The following IQCM variants were observed in gnomAD, a reference collection of about 807,000 sequenced individuals.
The protein encoded by IQCM is IQ domain-containing protein M.
Under a neutral mutation model 57.6 loss-of-function variants are expected in IQCM, and 45 were observed. That is an observed-to-expected ratio of 0.78 (90% confidence interval 0.62 to 1.00). The LOEUF is 1.00. IQCM is among the 50% of genes least tolerant of loss of function. The probability of loss-of-function intolerance (pLI) is 0.00; values close to 1 mark genes in which losing one functional copy is unlikely to be tolerated. For synonymous variants in IQCM, 148 were observed against 158.9 expected, an observed-to-expected ratio of 0.93 and a Z score of 0.51; for missense variants, 468 against 511.6, an observed-to-expected ratio of 0.91 and a Z score of 0.82.
intron 5 of IQCM, among the ~76,000 whole-genome samples, chr4:149,711,701 C>T (rs1443300189): frequency 1.3e-5 from 2 of 151,914 alleles, no homozygotes; most frequent in African/African-American, 2.4e-5. Context: ...AGGTCATTTG[C>T]TTACAGAGCT....
chr4:149,777,154 T>C (rs1771166446), intron 2 of IQCM, among the ~76,000 whole-genome samples: 1 of 152,230 alleles, frequency 6.6e-6, no homozygotes, highest in Non-Finnish European at 1.5e-5. Context: ...TAAGATTTAC[T>C]AAAATCTTTC....
At chr4:149,781,252 T>C (rs57900489) in intron 2 of IQCM, among the ~76,000 whole-genome samples, 13,125 of 152,240 alleles carry the variant, frequency 0.086, 726 homozygotes, top group East Asian at 0.19. Context: ...CAGTTACCCA[T>C]GGTCAACCAT....
intron 12 of IQCM, among the ~76,000 whole-genome samples, chr4:149,514,016 TTG>T (rs1267575100): frequency 6.6e-6 from 1 of 152,128 alleles, no homozygotes; most frequent in Non-Finnish European, 1.5e-5. Context: ...TATGTTATGT[TTG>T]TTTTATGTGT....
chr4:149,397,754 A>G (rs2111114292), intron 13 of IQCM, among the ~76,000 whole-genome samples: 1 of 152,066 alleles, frequency 6.6e-6, no homozygotes, highest in East Asian at 1.9e-4. Context: ...AAATCCAGTT[A>G]TTAGGGGTTT....
At chr4:149,354,382 A>C (rs866206554) in intron 13 of IQCM, among the ~76,000 whole-genome samples, 28 of 136,510 alleles carry the variant, frequency 2.1e-4, no homozygotes, top group Non-Finnish European at 2.7e-4. Flanking sequence ...AAAAAAAAAA[A>C]AAAAAAACTG....
chr4:149,759,571 C>A (rs1443654900), intron 2 of IQCM, among the ~76,000 whole-genome samples: 1 of 152,056 alleles, frequency 6.6e-6, no homozygotes, highest in East Asian at 1.9e-4. Flanking sequence ...AAATCCAGCA[C>A]AAGTGAATTT....
At chr4:149,785,463 A>C (rs994498833) in intron 2 of IQCM, among the ~76,000 whole-genome samples, 26 of 152,204 alleles carry the variant, frequency 1.7e-4, no homozygotes, top group African/African-American at 6.3e-4. Flanking sequence ...TTATTTAAAT[A>C]ACTATAGTAA....
intron 13 of IQCM, among the ~76,000 whole-genome samples, chr4:149,419,156 G>C (rs1375515712): frequency 6.6e-6 from 1 of 151,804 alleles, no homozygotes; most frequent in Non-Finnish European, 1.5e-5. Flanking sequence ...AATTCATATG[G>C]AACCAAAAAA....
At chr4:149,584,539 T>C (rs1050850417) in intron 9 of IQCM, among the ~76,000 whole-genome samples, 1 of 151,724 alleles carries the variant, frequency 6.6e-6, no homozygotes, top group African/African-American at 2.4e-5. Flanking sequence ...CAAGTATCTA[T>C]ATTCACTATG....
chr4:149,426,284 A>T (rs1431040231), intron 13 of IQCM, among the ~76,000 whole-genome samples: 2 of 151,984 alleles, frequency 1.3e-5, no homozygotes, highest in Non-Finnish European at 2.9e-5. Context: ...ACCACTGAAC[A>T]AAAGTCTTAT....
intron 13 of IQCM, among the ~76,000 whole-genome samples, chr4:149,416,578 G>A (rs1025017522): frequency 6.6e-6 from 1 of 152,058 alleles, no homozygotes; most frequent in Non-Finnish European, 1.5e-5. Flanking sequence ...TGATTCTAGT[G>A]TGCGGCGAGG....
Position 149,415,465 on chromosome 4 carries a change from T to C in IQCM, c.1390+17931A>G, listed in dbSNP as rs539894064. Among the ~76,000 whole-genome samples the C allele has an allele frequency of 2.6e-5, 4 of 152,306 alleles. No homozygotes were observed. In the East Asian group the frequency reaches 7.7e-4, roughly 29 times the overall value. On this transcript the variant is annotated intron_variant, in intron 13 of 13. Coordinates refer to ENST00000636793, the MANE Select transcript of IQCM (RefSeq NM_001363507.2). ...GGTAAGTGTGTTTTATAATTCTTTC[T>C]GTAAATCACATAATAAATGGAAATA...
At chr4:149,509,000 T>C (rs902732210) in intron 12 of IQCM, among the ~76,000 whole-genome samples, 6 of 152,196 alleles carry the variant, frequency 3.9e-5, no homozygotes, top group African/African-American at 1.4e-4. Context: ...TCTGCTGCCA[T>C]GTGAGATGTG....
intron 2 of IQCM, among the ~76,000 whole-genome samples, chr4:149,805,232 A>AC (rs1773965159): frequency 6.6e-6 from 1 of 152,080 alleles, no homozygotes; most frequent in South Asian, 2.1e-4. Context: ...TTTATTCTAT[A>AC]CTGTATATCT....
intron 7 of IQCM, among the ~76,000 whole-genome samples, chr4:149,651,959 C>T (rs2150135588): frequency 6.6e-6 from 1 of 152,130 alleles, no homozygotes; most frequent in Middle Eastern, 3.4e-3. Context: ...GGGTATATAC[C>T]CAAAGGATGA....
chr4:149,585,638 A>G (rs1035026746), intron 9 of IQCM, among the ~76,000 whole-genome samples: 5 of 151,614 alleles, frequency 3.3e-5, no homozygotes, highest in African/African-American at 1.2e-4. Flanking sequence ...AAGCCACTCA[A>G]GTTTAATAAT....
At chr4:149,460,995 G>A (rs1482868199) in intron 12 of IQCM, among the ~76,000 whole-genome samples, 1 of 152,122 alleles carries the variant, frequency 6.6e-6, no homozygotes. Context: ...AGCATTTTGG[G>A]AGGCTGAGGT....
At chr4:149,441,321 T>C (rs1250155170) in intron 12 of IQCM, among the ~76,000 whole-genome samples, 1 of 152,168 alleles carries the variant, frequency 6.6e-6, no homozygotes, top group East Asian at 1.9e-4. Context: ...TTTATGGACC[T>C]GTGAAACTCA....
chr4:149,776,858 A>G (rs933605686), intron 2 of IQCM, among the ~76,000 whole-genome samples: 11 of 151,770 alleles, frequency 7.2e-5, no homozygotes, highest in Non-Finnish European at 1.6e-4. Context: ...ATAAAATAAT[A>G]ATAAAAAATC....
Sources: gnomAD v4.1 joint callset for allele counts (sites outside exome capture counted in the v4.1 genomes callset) on GRCh38, gnomAD v4.1.1 for gene constraint, MANE v1.5 for transcripts, NCBI Gene and HGNC (gene_info 2026-07-23, HGNC 2026-07-21) for gene names.